Variants in LRRC37A2 observed in about 807,000 individuals in gnomAD.
LRRC37A2 encodes leucine rich repeat containing 37 member A2.
A neutral mutation model predicts 68.8 loss-of-function variants in LRRC37A2; 9 were observed. The ratio of observed to expected loss-of-function variants is 0.13; its 90% CI spans 0.08 to 0.23. The LOEUF (loss-of-function observed/expected upper bound fraction) is 0.23. LRRC37A2 is among the 10% of genes least tolerant of loss of function. The probability of loss-of-function intolerance (pLI) is 1.00; values close to 1 mark genes in which losing one functional copy is unlikely to be tolerated. For missense variants in LRRC37A2, 168 were observed against 950.4 expected, an observed-to-expected ratio of 0.18 and a Z score of 10.82; for synonymous variants, 63 against 367.6, an observed-to-expected ratio of 0.17 and a Z score of 9.48.
the LRRC37A2 span, chr17:46,875,403 C>T: frequency 2.4e-5 from 38 of 1,551,782 alleles, no homozygotes; most frequent in Middle Eastern, 3.4e-4. Context: ...TGCCTTCCCA[C>T]CAGGGTACAC....
chr17:46,708,158 G>T, the LRRC37A2 span, among the ~76,000 whole-genome samples: 2 of 152,096 alleles, frequency 1.3e-5, no homozygotes, highest in African/African-American at 4.8e-5. Flanking sequence ...TAGCATGGCT[G>T]TACAGATATC....
chr17:46,715,998 G>T, the LRRC37A2 span, among the ~76,000 whole-genome samples: 1 of 152,134 alleles, frequency 6.6e-6, no homozygotes, highest in East Asian at 1.9e-4. Context: ...TTTCCTTGGG[G>T]GAAAAATATT....
At chr17:46,936,010 GCTCCACAGGA>G in the LRRC37A2 span, 1 of 985,810 alleles carries the variant, frequency 1.0e-6, no homozygotes, top group Non-Finnish European at 1.2e-6. Context: ...GAGTCTGTCA[GCTCCACAGGA>G]CTTCAGTACG....
At chr17:46,854,641 A>G in the LRRC37A2 span, among the ~76,000 whole-genome samples, 8 of 152,258 alleles carry the variant, frequency 5.3e-5, no homozygotes, top group East Asian at 1.9e-4. Flanking sequence ...AAAAAACATA[A>G]CTAGTATTGC....
chr17:46,872,340 A>G, the LRRC37A2 span, among the ~76,000 whole-genome samples: 1 of 152,206 alleles, frequency 6.6e-6, no homozygotes, highest in Non-Finnish European at 1.5e-5. Flanking sequence ...TCCTGCAGCA[A>G]CCTTTGTTAC....
chr17:46,931,934 G>A, the LRRC37A2 span: 1 of 786,294 alleles, frequency 1.3e-6, no homozygotes, highest in East Asian at 2.4e-5. Context: ...AGATCTTGTG[G>A]TGAGGGGGTA....
At chr17:46,964,297 C>G in the LRRC37A2 span, 1 of 152,272 alleles carries the variant, frequency 6.6e-6, no homozygotes, top group Non-Finnish European at 1.5e-5. Context: ...TTGGACTCCT[C>G]CTCCAGGGCT....
At chr17:46,904,515 T>TGATG in the LRRC37A2 span, among the ~76,000 whole-genome samples, 3,051 of 146,320 alleles carry the variant, frequency 0.021, 96 homozygotes, top group African/African-American at 0.071. Context: ...GCTGGACGGA[T>TGATG]GATGGATGGA....
the LRRC37A2 span, among the ~76,000 whole-genome samples, chr17:46,995,073 A>C: frequency 1.3e-5 from 2 of 152,216 alleles, no homozygotes; most frequent in Non-Finnish European, 2.9e-5. Flanking sequence ...CAGTGAGCAG[A>C]GATCAAGCCA....
At chr17:46,845,876 C>T in the LRRC37A2 span, among the ~76,000 whole-genome samples, 21 of 150,604 alleles carry the variant, frequency 1.4e-4, no homozygotes, top group Non-Finnish European at 2.1e-4. Flanking sequence ...CTGCAAACTC[C>T]GCCTCCTGAG....
chr17:46,622,485 G>A, the LRRC37A2 span, among the ~76,000 whole-genome samples: 21,112 of 147,402 alleles, frequency 0.14, 1,990 homozygotes, highest in Non-Finnish European at 0.2. Context: ...TAAATAAATA[G>A]ATAAATAAAT....
At chr17:46,965,165 T>C in the LRRC37A2 span, 1 of 152,234 alleles carries the variant, frequency 6.6e-6, no homozygotes, top group Admixed American at 6.5e-5. Context: ...TGTTCTCGGG[T>C]GGGCAGGGCC....
At chr17:46,708,486 A>G in the LRRC37A2 span, among the ~76,000 whole-genome samples, 7 of 145,884 alleles carry the variant, frequency 4.8e-5, no homozygotes, top group Non-Finnish European at 1.0e-4. Context: ...CATTTGTTAC[A>G]TATCCTTTTT....
At chr17:46,540,831 A>G (rs1276300827) in exon 8 of LRRC37A2, 1 of 955,058 alleles carries the variant, frequency 1.0e-6, no homozygotes, top group Admixed American at 2.3e-5. Context: ...CGCTAGTCCC[A>G]CTTACAACAC....
At chr17:46,625,976 G>C in the LRRC37A2 span, among the ~76,000 whole-genome samples, 1 of 146,286 alleles carries the variant, frequency 6.8e-6, no homozygotes, top group South Asian at 2.1e-4. Context: ...CCTGGTATAG[G>C]AGATTATCAT....
the LRRC37A2 span, among the ~76,000 whole-genome samples, chr17:46,833,682 T>G: frequency 6.6e-6 from 1 of 152,118 alleles, no homozygotes; most frequent in Admixed American, 6.5e-5. Context: ...CCAAGAAAGC[T>G]TTGACTCAGT....
chr17:47,000,072 AATAAAAAATAAAATAAAAT>A, the LRRC37A2 span, among the ~76,000 whole-genome samples: 4 of 38,542 alleles, frequency 1.0e-4, no homozygotes, highest in African/African-American at 3.6e-4. Flanking sequence ...ATTAAAATAA[AATAAAAAATAAAATAAAAT>A]AAAATAAAAT....
At chr17:46,883,393 TCC>T in the LRRC37A2 span, among the ~76,000 whole-genome samples, 1 of 151,110 alleles carries the variant, frequency 6.6e-6, no homozygotes, top group African/African-American at 2.4e-5. Flanking sequence ...CAAGTGAGTC[TCC>T]TGCCTCAGCC....
chr17:46,558,271 G>T (rs2057392253), downstream of LRRC37A2, among the ~76,000 whole-genome samples: 1 of 108,082 alleles, frequency 9.3e-6, no homozygotes, highest in African/African-American at 4.1e-5. Context: ...TGTTGGTCAG[G>T]CTGGTCTCGA....
Sources: gnomAD v4.1 joint callset for allele counts (sites outside exome capture counted in the v4.1 genomes callset) on GRCh38, gnomAD v4.1.1 for gene constraint, MANE v1.5 for transcripts, NCBI Gene and HGNC (gene_info 2026-07-23, HGNC 2026-07-21) for gene names.